The following MAP2K4 variants were observed in gnomAD, a reference collection of about 807,000 sequenced individuals.
MAP2K4 encodes mitogen-activated protein kinase kinase 4, also known as dual specificity mitogen-activated protein kinase kinase 4.
MAP2K4 carries 4 observed loss-of-function variants against 48.5 expected under a neutral mutation model. That is an observed-to-expected ratio of 0.08 (90% CI 0.04 to 0.19). The LOEUF (loss-of-function observed/expected upper bound fraction) is 0.19, where lower values mean the gene tolerates loss of function less well. MAP2K4 is among the 10% of genes least tolerant of loss of function. The probability of loss-of-function intolerance (pLI) is 1.00; values close to 1 mark genes in which losing one functional copy is unlikely to be tolerated. For missense variants in MAP2K4, 258 were observed against 493.3 expected, an observed-to-expected ratio of 0.52 and a Z score of 4.52; for synonymous variants, 166 against 173.1, an observed-to-expected ratio of 0.96 and a Z score of 0.32.
intron 3 of MAP2K4, among the ~76,000 whole-genome samples, chr17:12,090,615 A>G (rs2151557252): frequency 6.6e-6 from 1 of 152,110 alleles, no homozygotes; most frequent in Middle Eastern, 3.4e-3. Flanking sequence ...CTTAATAGCA[A>G]TCACTTCATC....
chr17:12,047,926 T>G (rs1970017697), intron 1 of MAP2K4, among the ~76,000 whole-genome samples: 1 of 152,218 alleles, frequency 6.6e-6, no homozygotes, highest in Non-Finnish European at 1.5e-5. Flanking sequence ...GTTTGTATCT[T>G]GATTAGTGTT....
At chr17:12,072,568 TTC>T (rs1018850726) in intron 2 of MAP2K4, among the ~76,000 whole-genome samples, 2 of 152,192 alleles carry the variant, frequency 1.3e-5, no homozygotes, top group African/African-American at 2.4e-5. Context: ...CTTTTAATTT[TTC>T]TGTTAGTGTC....
At chr17:12,054,471 G>T (rs1169629858) in intron 1 of MAP2K4, among the ~76,000 whole-genome samples, 1 of 151,988 alleles carries the variant, frequency 6.6e-6, no homozygotes, top group Non-Finnish European at 1.5e-5. Context: ...TCACTCTGTT[G>T]TTTATATTCA....
At chr17:12,023,810 C>G (rs1286507339) in intron 1 of MAP2K4, among the ~76,000 whole-genome samples, 2 of 152,142 alleles carry the variant, frequency 1.3e-5, no homozygotes, top group Non-Finnish European at 2.9e-5. Flanking sequence ...GGGCAATGAA[C>G]TTGGCCTTTC....
At chr17:12,117,716 G>C (rs1355089112) in intron 7 of MAP2K4, among the ~76,000 whole-genome samples, 1 of 152,144 alleles carries the variant, frequency 6.6e-6, no homozygotes, top group East Asian at 1.9e-4. Context: ...GGATAAAGGG[G>C]AAGTGTTTAT....
rs1336161499 is a variant in MAP2K4 at position 12,141,768 on chromosome 17, G to A, written c.*508G>A. ...AGGAGGAATTTACTTTCTTCACCAA[G>A]TGCAATAGATTACTGATGTGATATT... On this transcript the variant is annotated 3_prime_UTR_variant, in exon 11 of 11. Transcript: ENST00000353533. The A allele has an allele frequency of 8.5e-6, 2 of 235,574 alleles. No homozygotes were observed. The highest frequency in any genetic ancestry group is 5.5e-5 in the Admixed American group (1 of 18,060). 14.6% of individuals were successfully genotyped at this position (235,574 alleles called of 1,614,324 possible). A position where few individuals can be genotyped will look rare whatever the true frequency, so the allele number is the denominator to read the frequency against.
At position 12,095,571 on chromosome 17, in the gene MAP2K4, C is replaced by G. The variant is rs2151561600; in HGVS notation, c.394-4C>G. 1.9e-6 allele frequency: 3 copies of G among 1,613,362 alleles called. No homozygotes were observed. The highest frequency in any genetic ancestry group is 1.7e-6 in the Non-Finnish European group (2 of 1,179,774). On this transcript the variant is annotated splice_region_variant and splice_polypyrimidine_tract_variant and intron_variant, in intron 3 of 10. Transcript: ENST00000353533. ...TTTTGACATCTTTTGTCATTCTTTT[C>G]CAGAGAATTCGGTCAACAGTGGATG...
intron 1 of MAP2K4, among the ~76,000 whole-genome samples, chr17:12,024,256 G>T (rs1969186830): frequency 6.6e-6 from 1 of 152,078 alleles, no homozygotes; most frequent in Middle Eastern, 3.2e-3. Flanking sequence ...TTTTTCATAG[G>T]GGATGGGTAG....
In MAP2K4 at chr17:12,143,530, A is replaced by T. The variant is rs1973441043; in HGVS notation, c.*2270A>T. 1 of 230,998 alleles carries T rather than the reference A, an allele frequency of 4.3e-6. No homozygotes were observed. The highest frequency in any genetic ancestry group is 1.8e-4 in the South Asian group (1 of 5,518). 14.3% of individuals were successfully genotyped at this position (230,998 alleles called of 1,614,324 possible). On this transcript the variant is annotated 3_prime_UTR_variant, in exon 11 of 11. Transcript: ENST00000353533. The stretch of plus-strand genomic sequence containing the variant: ...ATGTATAAAAATTATCAAAAAGCTA[A>T]TGTGCAGGGATATTGCCTTATTTGT...
chr17:12,117,860 T>A (rs1972553105), intron 7 of MAP2K4, among the ~76,000 whole-genome samples: 1 of 152,104 alleles, frequency 6.6e-6, no homozygotes, highest in South Asian at 2.1e-4. Context: ...ACTGCTGAAG[T>A]TCTGTGCTGA....
intron 6 of MAP2K4, 39 bp from the exon 7 acceptor site, chr17:12,113,194 G>A (rs778444195): frequency 1.3e-6 from 2 of 1,584,954 alleles, no homozygotes; most frequent in Non-Finnish European, 1.7e-6. Context: ...AACTTAGGAA[G>A]AAGCTAATTG....
chr17:12,115,895 A>G (rs1972476903), intron 7 of MAP2K4: 5 of 607,294 alleles, frequency 8.2e-6, no homozygotes, highest in African/African-American at 1.8e-5. Context: ...TGGACCTCCT[A>G]GTCCAGCCTG....
intron 3 of MAP2K4, among the ~76,000 whole-genome samples, chr17:12,095,111 A>G (rs184168433): frequency 6.6e-6 from 1 of 152,298 alleles, no homozygotes; most frequent in East Asian, 1.9e-4. Flanking sequence ...ACACTGTGGT[A>G]TGAGTGTCCT....
At chr17:12,096,481 A>G (rs1971763329) in intron 4 of MAP2K4, among the ~76,000 whole-genome samples, 1 of 152,200 alleles carries the variant, frequency 6.6e-6, no homozygotes, top group African/African-American at 2.4e-5. Context: ...CTAGACCGCC[A>G]TCAAAAATTG....
At chr17:12,040,434 A>G (rs1969741541) in intron 1 of MAP2K4, among the ~76,000 whole-genome samples, 1 of 152,224 alleles carries the variant, frequency 6.6e-6, no homozygotes, top group South Asian at 2.1e-4. Context: ...TTTTGATAGA[A>G]TAAAAACTGG....
rs1567624445 is a variant in MAP2K4 at position 12,032,255 on chromosome 17, TTTTAC to T, written c.115+11259_115+11263del. ...CAGTAAATGAACTGGAACTTATCTT[TTTTAC>T]TTTAGGCTTTCAGATAAACTTCTGT... On this transcript the variant is annotated intron_variant, in intron 1 of 10. Coordinates refer to ENST00000353533, the MANE Select transcript of MAP2K4 (RefSeq NM_003010.4). 4.2e-6 allele frequency: 6 copies of T among 1,415,432 alleles called. No homozygotes were observed. The Admixed American group carries it at 9.7e-5, about 23-fold the overall frequency. The allele number at this position is 1,415,432 out of a possible 1,614,324, so 87.7% of individuals were successfully genotyped here. A position where few individuals can be genotyped will look rare whatever the true frequency, so the allele number is the denominator to read the frequency against.
chr17:12,095,464 T>C, intron 3 of MAP2K4, 111 bp from the exon 4 acceptor site: 4 of 1,097,310 alleles, frequency 3.6e-6, no homozygotes, highest in Non-Finnish European at 5.5e-6. Flanking sequence ...TTTGTGAAGT[T>C]TGGTAATTTT....
intron 2 of MAP2K4, among the ~76,000 whole-genome samples, chr17:12,058,506 T>G (rs1002106097): frequency 6.6e-6 from 1 of 152,204 alleles, no homozygotes; most frequent in Non-Finnish European, 1.5e-5. Context: ...CCTCCTACCA[T>G]GTGTTATAGG....
At chr17:12,029,896 C>T (rs868088045) in intron 1 of MAP2K4, among the ~76,000 whole-genome samples, 1 of 149,918 alleles carries the variant, frequency 6.7e-6, no homozygotes, top group South Asian at 2.1e-4. Flanking sequence ...CCAGCATGAG[C>T]GACAGCAAGA....
Sources: gnomAD v4.1 joint callset for allele counts (sites outside exome capture counted in the v4.1 genomes callset) on GRCh38, gnomAD v4.1.1 for gene constraint, MANE v1.5 for transcripts, NCBI Gene and HGNC (gene_info 2026-07-23, HGNC 2026-07-21) for gene names.